The following HDHD5 variants were observed in gnomAD, a reference collection of about 807,000 sequenced individuals.
HDHD5 encodes haloacid dehalogenase like hydrolase domain containing 5.
HDHD5 carries 34 observed loss-of-function variants against 35.5 expected under a neutral mutation model. The observed-to-expected ratio is 0.96, with a 90% CI of 0.73 to 1.28. The LOEUF (loss-of-function observed/expected upper bound fraction) is 1.28, where lower values mean the gene tolerates loss of function less well. Ranked by LOEUF, HDHD5 falls within the 50% of genes most tolerant of loss-of-function variation. HDHD5 has a pLI of 0.00. For missense variants in HDHD5, 589 were observed against 560.2 expected (o/e 1.05, Z -0.52); for synonymous variants, 248 against 240.6 (o/e 1.03, Z -0.29).
intron 1 of HDHD5, among the ~76,000 whole-genome samples, chr22:17,156,724 C>T (rs1320898056): frequency 1.3e-5 from 2 of 150,164 alleles, no homozygotes; most frequent in African/African-American, 4.9e-5. Context: ...TGCAGTGAGC[C>T]GAGACCACGC....
At chr22:17,143,445 C>A in intron 4 of HDHD5, 1 of 285,090 alleles carries the variant, frequency 3.5e-6, no homozygotes, top group East Asian at 6.8e-5. Context: ...TAAAATCAGG[C>A]AGCTAAGGTG....
At chr22:17,161,711 T>A (rs979607943), upstream of HDHD5, among the ~76,000 whole-genome samples, 1 of 150,630 alleles carries the variant, frequency 6.6e-6, no homozygotes, top group Non-Finnish European at 1.5e-5. Flanking sequence ...CCACAAAATA[T>A]ATATATAAAA....
At chr22:17,161,111 C>T (rs1343806218), upstream of HDHD5, among the ~76,000 whole-genome samples, 2 of 150,598 alleles carry the variant, frequency 1.3e-5, no homozygotes, top group African/African-American at 4.9e-5. Context: ...AAAATTAGCT[C>T]GTCATGCACC....
In HDHD5 at chr22:17,137,992, C is replaced by G; in HGVS notation, c.*29G>C. On this transcript the variant is annotated 3_prime_UTR_variant, in exon 8 of 8. Transcript: ENST00000336737. ...AATGGGACTCGCCCACAGGTCCAGG[C>G]TCACCCCCTCACCTCCACCGCACTG... 11 of 1,562,128 alleles carry G rather than the reference C, an allele frequency of 7.0e-6. No individual in the cohort carries two copies. The highest frequency in any genetic ancestry group is 9.6e-6 in the Non-Finnish European group (11 of 1,141,856).
chr22:17,152,110 G>A (rs1441114657), intron 1 of HDHD5, among the ~76,000 whole-genome samples: 1 of 152,146 alleles, frequency 6.6e-6, no homozygotes, highest in African/African-American at 2.4e-5. Flanking sequence ...CTTGCACTAA[G>A]AGATAGGCCC....
chr22:17,165,263 C>G, exon 1 of HDHD5: 1 of 773,176 alleles, frequency 1.3e-6, no homozygotes, highest in Non-Finnish European at 2.4e-6. Context: ...CCCCTCTCCT[C>G]TTTAGGAGCC....
Position 17,159,247 on chromosome 22 carries a change from G to C in HDHD5, c.5C>G (p.Ala2Gly). 8.2e-7 allele frequency: 1 copy of C among 1,226,600 alleles called. No homozygotes were observed. The highest frequency in any genetic ancestry group is 1.0e-6 in the Non-Finnish European group (1 of 983,554). 76.0% of individuals were successfully genotyped at this position (1,226,600 alleles called of 1,614,324 possible). A position where few individuals can be genotyped will look rare whatever the true frequency, so the allele number is the denominator to read the frequency against. M[A>G]AWGCVAALGA... The stretch of plus-strand genomic sequence containing the variant: ...GAGCGCAGCCACACAGCCCCACGCA[G>C]CCATCCGGCCGTCGCCGTGCGCACG... Residue 2 changes from alanine to glycine, a missense_variant, in exon 1 of 8, where the codon GCT (alanine) becomes GGT (glycine). Physicochemically the swap from Ala to Gly is moderately conservative, Grantham distance 60. Coordinates refer to ENST00000336737, the MANE Select transcript of HDHD5 (RefSeq NM_033070.3).
rs536579520 is a variant in HDHD5 at position 17,138,269 on chromosome 22, C to A, written c.1024G>T (p.Ala342Ser). The change falls in exon 8 of 8, where the codon GCC (alanine) becomes TCC (serine). Residue 342 changes from alanine to serine, a missense_variant. Physicochemically the swap from Ala to Ser is moderately conservative, Grantham distance 99. Coordinates refer to ENST00000336737, the MANE Select transcript of HDHD5 (RefSeq NM_033070.3). ...GGCTGTTGCTGCCGTGTGCCCCCGG[C>A]CCCTAGTTCTGGCGCCCCATCATGC... ...ATHDGAPELG[A>S]GGTRQQQPSA... 2.5e-6 allele frequency: 4 copies of A among 1,614,204 alleles called. No individual in the cohort carries two copies. In the African/African-American group the frequency reaches 4.0e-5, roughly 16 times the overall value.
At chr22:17,140,788 G>A (rs1382941541) in intron 6 of HDHD5, among the ~76,000 whole-genome samples, 1 of 152,208 alleles carries the variant, frequency 6.6e-6, no homozygotes, top group African/African-American at 2.4e-5. Context: ...AGCATGTTCT[G>A]TAAAGATTAC....
intron 4 of HDHD5, among the ~76,000 whole-genome samples, chr22:17,143,867 T>C (rs2061627207): frequency 6.6e-6 from 1 of 152,244 alleles, no homozygotes; most frequent in Non-Finnish European, 1.5e-5. Context: ...GGCTATGTGA[T>C]ACACAGACGG....
chr22:17,159,381 C>T (rs771116650), upstream of HDHD5: 11 of 1,091,360 alleles, frequency 1.0e-5, no homozygotes, highest in Middle Eastern at 2.5e-4. Context: ...GCGCGGAGCC[C>T]GTCGGGCGCC....
intron 1 of HDHD5, among the ~76,000 whole-genome samples, chr22:17,155,982 C>G (rs1224051869): frequency 6.6e-6 from 1 of 152,056 alleles, no homozygotes; most frequent in Non-Finnish European, 1.5e-5. Flanking sequence ...ACTCCAACGC[C>G]AAAAGGTTTT....
In HDHD5 at chr22:17,145,067, G is replaced by A; in HGVS notation, c.494C>T (p.Pro165Leu). ...VTVDELRMAFPLLDMVDLERR... is the reference protein window; with the variant it reads ...VTVDELRMAFLLLDMVDLERR... ...CTCCAGGTCCACCATGTCAAGCAGA[G>A]GAAAGGCCATCCGCAGCTCATCCAC... Residue 165 changes from proline to leucine, a missense_variant, in exon 4 of 8, where the codon CCT becomes CTT. Physicochemically the swap from Pro to Leu is moderately conservative, Grantham distance 98. Transcript: ENST00000336737. The A allele has an allele frequency of 1.2e-6, 2 of 1,613,996 alleles. No homozygotes were observed. Among genetic ancestry groups the A allele is most frequent in the African/African-American group, 1.3e-5 (1 of 74,990 alleles).
chr22:17,157,271 C>CTTTTTT (rs372356199), intron 1 of HDHD5, among the ~76,000 whole-genome samples: 126 of 136,696 alleles, frequency 9.2e-4, no homozygotes, highest in African/African-American at 2.5e-3. Context: ...GGTTAATTTT[C>CTTTTTT]TTTTTTTTTT....
At chr22:17,149,488 G>A (rs2286956) in intron 2 of HDHD5, 54 bp downstream of exon 2, 146,310 of 1,546,722 alleles carry the variant, frequency 0.095, 8,021 homozygotes, top group African/African-American at 0.23. Context: ...CTGGGGCAGC[G>A]GCTCCATTAG....
intron 1 of HDHD5, among the ~76,000 whole-genome samples, chr22:17,150,082 A>C (rs2061709745): frequency 6.6e-6 from 1 of 152,150 alleles, no homozygotes; most frequent in African/African-American, 2.4e-5. Flanking sequence ...ATTTAATGCT[A>C]GGATTATTAG....
chr22:17,143,231 A>C, intron 4 of HDHD5, 100 bp from the exon 5 acceptor site: 1 of 1,281,966 alleles, frequency 7.8e-7, no homozygotes, highest in Non-Finnish European at 1.1e-6. Context: ...GGGGAGACAC[A>C]CTCCACAGAC....
At chr22:17,164,131 G>T (rs2061878437), upstream of HDHD5, among the ~76,000 whole-genome samples, 1 of 151,678 alleles carries the variant, frequency 6.6e-6, no homozygotes. Flanking sequence ...CGAGGCTGGG[G>T]AATCGCTTGA....
chr22:17,160,631 G>C (rs555743471), upstream of HDHD5, among the ~76,000 whole-genome samples: 1 of 148,324 alleles, frequency 6.7e-6, no homozygotes, highest in African/African-American at 2.5e-5. Context: ...CCTGGGTGAC[G>C]GAGTGAGACT....
Sources: allele counts gnomAD v4.1 joint callset (sites outside exome capture counted in the v4.1 genomes callset), GRCh38; gene constraint gnomAD v4.1.1; transcripts MANE v1.5; gene names NCBI Gene and HGNC (gene_info 2026-07-23, HGNC 2026-07-21).